The following LRRC4C variants were observed in gnomAD, a reference collection of about 807,000 sequenced individuals.
The protein encoded by LRRC4C is leucine rich repeat containing 4C.
A neutral mutation model predicts 33.6 loss-of-function variants in LRRC4C; 5 were observed. The observed-to-expected ratio is 0.15, with a 90% CI of 0.08 to 0.31. The LOEUF (loss-of-function observed/expected upper bound fraction) is 0.31, where lower values mean the gene tolerates loss of function less well. Among genes scored for constraint, LRRC4C ranks in the 10% least tolerant of loss-of-function variants. The probability of loss-of-function intolerance (pLI) is 1.00; values close to 1 mark genes in which losing one functional copy is unlikely to be tolerated. For synonymous variants in LRRC4C, 329 were observed against 302.0 expected (o/e 1.09, Z -0.93); for missense variants, 560 against 796.7 (o/e 0.70, Z 3.58).
intron 4 of LRRC4C, among the ~76,000 whole-genome samples, chr11:40,253,248 T>G (rs542052550): frequency 6.6e-6 from 1 of 152,360 alleles, no homozygotes; most frequent in East Asian, 1.9e-4. Context: ...GTTTAACTCT[T>G]TGAAGTATGT....
chr11:40,835,710 G>A (rs549333821), intron 2 of LRRC4C, among the ~76,000 whole-genome samples: 8 of 152,140 alleles, frequency 5.3e-5, no homozygotes, highest in African/African-American at 1.9e-4. Flanking sequence ...AAGCCCATTG[G>A]TATTTGAAGA....
At chr11:40,639,294 AGCCCCCTTGCACTG>A (rs967849366) in intron 3 of LRRC4C, among the ~76,000 whole-genome samples, 1 of 152,206 alleles carries the variant, frequency 6.6e-6, no homozygotes, top group Non-Finnish European at 1.5e-5. Flanking sequence ...AGAATACTGA[AGCCCCCTTGCACTG>A]GCCTGCACCA....
intron 3 of LRRC4C, among the ~76,000 whole-genome samples, chr11:40,624,175 C>T (rs117693094): frequency 0.02 from 3,068 of 152,174 alleles, 48 homozygotes; most frequent in South Asian, 0.037. Context: ...AAGTTAGAAG[C>T]ACATTCTATG....
chr11:40,305,464 C>G (rs1412608465), intron 4 of LRRC4C, among the ~76,000 whole-genome samples: 1 of 152,154 alleles, frequency 6.6e-6, no homozygotes, highest in Non-Finnish European at 1.5e-5. Flanking sequence ...ATCTGGAAAT[C>G]AACTGCATAA....
chr11:41,069,252 T>C (rs1230158132), intron 1 of LRRC4C, among the ~76,000 whole-genome samples: 1 of 152,164 alleles, frequency 6.6e-6, no homozygotes, highest in African/African-American at 2.4e-5. Flanking sequence ...ATAAACTAGG[T>C]ATTGATGGAA....
At chr11:40,206,304 C>T (rs548279196) in intron 5 of LRRC4C, among the ~76,000 whole-genome samples, 3 of 152,190 alleles carry the variant, frequency 2.0e-5, no homozygotes, top group East Asian at 1.9e-4. Flanking sequence ...AGGGCAATCT[C>T]GGCTCACTGC....
In LRRC4C at chr11:41,215,487, CAAAAAAAAAA is replaced by C. The variant is rs764578889; in HGVS notation, c.-496+243934_-496+243943del. Among the ~76,000 whole-genome samples, 13 of 64,356 alleles carry C rather than the reference CAAAAAAAAAA, an allele frequency of 2.0e-4. No homozygotes were observed. In the Admixed American group the frequency reaches 2.4e-3, roughly 12 times the overall value. 42.2% of individuals were successfully genotyped at this position (64,356 alleles called of 152,430 possible). A position where few individuals can be genotyped will look rare whatever the true frequency, so the allele number is the denominator to read the frequency against. ...TGGGTGACAGAGTGCAATTCCATCT[CAAAAAAAAAA>C]AAAAAAAAAAAAATTCCATCCACAT... On this transcript the variant is annotated intron_variant, in intron 1 of 6. Transcript: ENST00000528697.
chr11:40,447,669 T>A (rs577907100), intron 3 of LRRC4C, among the ~76,000 whole-genome samples: 24 of 152,296 alleles, frequency 1.6e-4, no homozygotes, highest in Non-Finnish European at 3.2e-4. Context: ...GAACTTCCCA[T>A]CTAAGCAAAC....
At chr11:40,319,842 C>G (rs1945752187) in intron 3 of LRRC4C, 121 bp from the exon 4 acceptor site, 1 of 152,130 alleles carries the variant, frequency 6.6e-6, no homozygotes. Context: ...TTTAAAATCA[C>G]AGAATGTCTT....
intron 5 of LRRC4C, among the ~76,000 whole-genome samples, chr11:40,199,720 T>A (rs1274161621): frequency 7.9e-5 from 12 of 152,124 alleles, no homozygotes; most frequent in Admixed American, 4.6e-4. Context: ...GATTATATAT[T>A]TTTTTAATTT....
chr11:40,256,961 CA>C (rs1412516867), intron 4 of LRRC4C, among the ~76,000 whole-genome samples: 2 of 152,220 alleles, frequency 1.3e-5, no homozygotes, highest in Non-Finnish European at 1.5e-5. Context: ...TTCTGCCAAT[CA>C]ACTCCTGCCA....
chr11:41,319,523 A>C (rs1484168374), intron 1 of LRRC4C, among the ~76,000 whole-genome samples: 2 of 152,052 alleles, frequency 1.3e-5, no homozygotes, highest in Non-Finnish European at 2.9e-5. Context: ...TTGCCAACTA[A>C]GGTTTTGTTT....
intron 1 of LRRC4C, among the ~76,000 whole-genome samples, chr11:41,099,229 C>G (rs1038929868): frequency 1.3e-5 from 2 of 151,902 alleles, no homozygotes; most frequent in African/African-American, 4.8e-5. Flanking sequence ...GGTCTCTAGA[C>G]AGATTCAGAG....
intron 3 of LRRC4C, among the ~76,000 whole-genome samples, chr11:40,619,954 T>G (rs1235505341): frequency 4.0e-5 from 6 of 151,076 alleles, no homozygotes; most frequent in Non-Finnish European, 8.9e-5. Context: ...TACATTTTAT[T>G]CAAACCTGCA....
chr11:40,899,482 T>A (rs1304348229), intron 2 of LRRC4C, among the ~76,000 whole-genome samples: 2 of 152,156 alleles, frequency 1.3e-5, no homozygotes, highest in East Asian at 1.9e-4. Flanking sequence ...TCATGTCTTG[T>A]TGAGTCATGA....
intron 6 of LRRC4C, among the ~76,000 whole-genome samples, chr11:40,130,440 C>T (rs1856568169): frequency 1.3e-5 from 2 of 151,886 alleles, no homozygotes; most frequent in South Asian, 4.2e-4. Context: ...CTTTTCTTTT[C>T]ATATTTTTCC....
chr11:40,947,909 G>A (rs1389129), intron 1 of LRRC4C, among the ~76,000 whole-genome samples: 148,883 of 152,218 alleles, frequency 0.98, 72,914 homozygotes, highest in East Asian at 1. Context: ...TTGTCTCTCA[G>A]TGTTTCTCAA....
intron 3 of LRRC4C, among the ~76,000 whole-genome samples, chr11:40,399,333 C>T (rs967950828): frequency 6.6e-6 from 1 of 152,110 alleles, no homozygotes; most frequent in African/African-American, 2.4e-5. Flanking sequence ...CACATATACA[C>T]CATGGAATAC....
intron 1 of LRRC4C, among the ~76,000 whole-genome samples, chr11:41,282,242 A>G (rs1429061750): frequency 6.6e-6 from 1 of 152,216 alleles, no homozygotes; most frequent in Admixed American, 6.5e-5. Context: ...TGCTATGAAA[A>G]GTGGAAAACC....
Sources: allele counts gnomAD v4.1 joint callset (sites outside exome capture counted in the v4.1 genomes callset), GRCh38; gene constraint gnomAD v4.1.1; transcripts MANE v1.5; gene names NCBI Gene and HGNC (gene_info 2026-07-23, HGNC 2026-07-21).